ALDH16A1: variants seen among roughly 807,000 people sequenced by gnomAD.
The protein encoded by ALDH16A1 is aldehyde dehydrogenase family 16 member A1.
Under a neutral mutation model 96.1 loss-of-function variants are expected in ALDH16A1, and 88 were observed. That is an observed-to-expected ratio of 0.92 (90% confidence interval 0.77 to 1.09). ALDH16A1 has a LOEUF of 1.09. ALDH16A1 is among the 50% of genes least tolerant of loss of function. ALDH16A1 has a pLI of 0.00. For synonymous variants in ALDH16A1, 522 were observed against 496.4 expected (o/e 1.05, Z -0.69); for missense variants, 1,250 against 1,112.6 (o/e 1.12, Z -1.76).
In ALDH16A1 at chr19:49,462,024, C is replaced by T. The variant is rs1476038378; in HGVS notation, c.900C>T (p.Ser300=). Residue 300 remains serine, a synonymous_variant, in exon 7 of 17, where the codon TCC becomes TCT. Transcript: ENST00000293350. ...AGGGTGTCGTGGACGCCGCCTGGTCCGACCGCGGCCCGGTGAGACCCGTGC... is the reference window on the plus strand; with the variant it reads ...AGGGTGTCGTGGACGCCGCCTGGTCTGACCGCGGCCCGGTGAGACCCGTGC... ...AVEGVVDAAW[S]DRGPGGLRLL... is the part of the protein sequence containing the mutation. The T allele has an allele frequency of 5.8e-6, 9 of 1,541,604 alleles. No homozygotes were observed. The highest frequency in any genetic ancestry group is 4.9e-5 in the East Asian group (2 of 41,070).
chr19:49,461,026 G>A, intron 5 of ALDH16A1, 127 bp downstream of exon 5: 3 of 1,049,872 alleles, frequency 2.9e-6, no homozygotes, highest in Non-Finnish European at 4.4e-6. Flanking sequence ...GTCTGTGGGA[G>A]GAGGGGCTGC....
At chr19:49,460,492 G>A (rs1180891137) in intron 4 of ALDH16A1, among the ~76,000 whole-genome samples, 1 of 147,108 alleles carries the variant, frequency 6.8e-6, no homozygotes, top group Non-Finnish European at 1.5e-5. Context: ...TCGGCTCACT[G>A]GAACCTCCGC....
chr19:49,454,345 C>T (rs1194097933), intron 1 of ALDH16A1, among the ~76,000 whole-genome samples: 1 of 152,110 alleles, frequency 6.6e-6, no homozygotes, highest in Non-Finnish European at 1.5e-5. Context: ...CCTGTAATTA[C>T]TTATGGCCCC....
rs150239880 is a variant in ALDH16A1, at chr19:49,461,712, T to C, written c.671T>C (p.Leu224Pro). 2.6e-3 allele frequency: 4,158 copies of C among 1,609,944 alleles called. 14 individuals are homozygous for C. The highest frequency in any genetic ancestry group is 2.9e-3 in the Non-Finnish European group (3,369 of 1,178,158). The change falls in exon 6 of 17, where the codon CTG becomes CCG. Residue 224 changes from leucine to proline, a missense_variant. Leu to Pro is a moderately conservative substitution (Grantham distance 98). Transcript: ENST00000293350. ...AGELGPFPGI[L>P]NVLSGPASLV... ...GAGCTGGGCCCCTTCCCGGGAATCC[T>C]GAATGTCCTCAGTGGCCCTGCGTCC...
Position 49,465,744 on chromosome 19 carries a change from A to AC in ALDH16A1, c.1581dup (p.Tyr528LeufsTer33), listed in dbSNP as rs764766875. On this transcript the variant is annotated frameshift_variant, in exon 13 of 17. Transcript: ENST00000293350. LOFTEE classifies it high-confidence loss of function. ...ATGTCCCACCCTACTCCAGCCCAGC[A>AC]CCCCCCTATGGGCTCTTCGTTGGGG... is the stretch of plus-strand genomic sequence containing the variant. 4 of 1,612,544 alleles carry AC rather than the reference A, an allele frequency of 2.5e-6. No homozygotes were observed. The highest frequency in any genetic ancestry group is 3.4e-6 in the Non-Finnish European group (4 of 1,179,152).
intron 1 of ALDH16A1, 177 bp downstream of exon 1, chr19:49,453,598 G>T (rs914767402): frequency 3.4e-5 from 20 of 586,866 alleles, no homozygotes; most frequent in Non-Finnish European, 5.4e-5. Context: ...GAGCCTTGGC[G>T]GTGGCAGCCT....
At chr19:49,464,059 G>T in intron 9 of ALDH16A1, 68 bp from the exon 10 acceptor site, 1 of 1,580,954 alleles carries the variant, frequency 6.3e-7, no homozygotes, top group Non-Finnish European at 8.6e-7. Flanking sequence ...GGGGGCTGCT[G>T]CCTGCTCTAG....
Position 49,453,235 on chromosome 19 carries a change from C to A in ALDH16A1, c.-97C>A. The A allele has an allele frequency of 8.8e-7, 1 of 1,138,526 alleles. No homozygotes were observed. The highest frequency in any genetic ancestry group is 1.6e-5 in the South Asian group (1 of 63,850). 70.5% of individuals were successfully genotyped at this position (1,138,526 alleles called of 1,614,324 possible). ...CACCCCATTCCCATTAGCCCCGCCC[C>A]TTTGGGCTGGAACCGGAGGTGTCGC... On this transcript the variant is annotated 5_prime_UTR_variant, in exon 1 of 17. Coordinates refer to ENST00000293350, the MANE Select transcript of ALDH16A1 (RefSeq NM_153329.4).
chr19:49,470,653 T>TTC lies in ALDH16A1; in HGVS notation c.*187_*188insCT, dbSNP rs1555801041. 1.5e-5 allele frequency: 8 copies of TTC among 520,632 alleles called. No individual in the cohort carries two copies. The highest frequency in any genetic ancestry group is 3.6e-5 in the East Asian group (1 of 27,498). 32.3% of individuals were successfully genotyped at this position (520,632 alleles called of 1,614,324 possible). ...GGCAGATATGAGGCTTTTTTCTTTT[T>TTC]TTTTTTTTTTTTTGAGACAACGTCT... On this transcript the variant is annotated 3_prime_UTR_variant, in exon 17 of 17. Transcript: ENST00000293350.
rs187058132 is a variant in ALDH16A1 at position 49,468,473 on chromosome 19, C to T, written c.2031C>T (p.Phe677=). The T allele has an allele frequency of 1.6e-4, 257 of 1,602,716 alleles. No homozygotes were observed. In the East Asian group the frequency reaches 4.9e-3, roughly 30 times the overall value. Residue 677 remains phenylalanine (F), a synonymous_variant, in exon 15 of 17, where the codon TTC becomes TTT. Transcript: ENST00000293350. The surrounding 1 kb of genome is among the most constrained non-coding windows in gnomAD (Gnocchi z 4.4). The part of the protein sequence containing the change: ...VCPDEWPLLA[F]VSLLAPALAY... ...CGGACGAGTGGCCCCTGCTTGCCTTCGTGTCCCTGCTGGCTCCCGCCCTGG... is the reference window on the plus strand; with the variant it reads ...CGGACGAGTGGCCCCTGCTTGCCTTTGTGTCCCTGCTGGCTCCCGCCCTGG...
Position 49,453,226 on chromosome 19 carries a change from GCCC to G in ALDH16A1, c.-104_-102del. On this transcript the variant is annotated 5_prime_UTR_variant, in exon 1 of 17. Transcript: ENST00000293350. The stretch of plus-strand genomic sequence containing the variant: ...TTGTAGCCCCACCCCATTCCCATTA[GCCC>G]CGCCCCTTTGGGCTGGAACCGGAGG... 1 of 834,106 alleles carries G rather than the reference GCCC, an allele frequency of 1.2e-6. No homozygotes were observed. The highest frequency in any genetic ancestry group is 1.8e-6 in the Non-Finnish European group (1 of 561,278). 51.7% of individuals were successfully genotyped at this position (834,106 alleles called of 1,614,324 possible).
At chr19:49,455,833 T>C (rs1411270220) in intron 1 of ALDH16A1, among the ~76,000 whole-genome samples, 1 of 152,240 alleles carries the variant, frequency 6.6e-6, no homozygotes, top group Non-Finnish European at 1.5e-5. Context: ...TTCTCAACCG[T>C]ACAGTCTCTG....
At chr19:49,466,452 A>G (rs2079199785) in intron 14 of ALDH16A1, among the ~76,000 whole-genome samples, 169 bp downstream of exon 14, 2 of 152,198 alleles carry the variant, frequency 1.3e-5, no homozygotes, top group South Asian at 4.1e-4. Flanking sequence ...TCATCTGTAC[A>G]GTGAGTGGGC....
At chr19:49,464,377 G>A (rs375627359) in intron 10 of ALDH16A1, 40 bp from the exon 11 acceptor site, 192 of 1,568,498 alleles carry the variant, frequency 1.2e-4, no homozygotes, top group Non-Finnish European at 1.4e-4. Flanking sequence ...GCCTGCCACC[G>A]TCTGTTTTCC....
Position 49,463,997 on chromosome 19 carries a change from C to A in ALDH16A1, c.1194+48C>A, listed in dbSNP as rs376398701. ...GCTCCTACCCACCGCCAGCCAAGGG[C>A]AGCAGCTCTGTGCCTGGGGAAGCCC... On this transcript the variant is annotated intron_variant, in intron 9 of 16. Coordinates refer to ENST00000293350, the MANE Select transcript of ALDH16A1 (RefSeq NM_153329.4). The A allele has an allele frequency of 2.6e-4, 407 of 1,584,170 alleles. 1 individual carries two copies. The highest frequency in any genetic ancestry group is 3.3e-4 in the Non-Finnish European group (387 of 1,163,070).
In ALDH16A1 at chr19:49,468,335, C is replaced by T. The variant is rs184585248; in HGVS notation, c.1939-46C>T. On this transcript the variant is annotated intron_variant, in intron 14 of 16. Coordinates refer to ENST00000293350, the MANE Select transcript of ALDH16A1 (RefSeq NM_153329.4). The surrounding 1 kb of genome is among the most constrained non-coding windows in gnomAD (Gnocchi z 4.4). ...GAGGAACTGGATCTCTCATTTACTG[C>T]GGGCGGGGCTCCCCTGCCCCACACG... is the stretch of plus-strand genomic sequence containing the variant. 549 of 1,566,382 alleles carry T rather than the reference C, an allele frequency of 3.5e-4. 1 individual carries two copies. The African/African-American group carries it at 6.4e-3, about 18-fold the overall frequency.
At position 49,468,465 on chromosome 19, in the gene ALDH16A1, C is replaced by T; in HGVS notation, c.2023C>T (p.Leu675Phe). ...AVVCPDEWPL[L>F]AFVSLLAPAL... ...GGTGTGTCCGGACGAGTGGCCCCTG[C>T]TTGCCTTCGTGTCCCTGCTGGCTCC... The change falls in exon 15 of 17, where the codon CTT (leucine) becomes TTT (phenylalanine). Residue 675 changes from leucine (L) to phenylalanine (F), a missense_variant. Leu to Phe is a conservative substitution (Grantham distance 22). Transcript: ENST00000293350. The surrounding 1 kb of genome is among the most constrained non-coding windows in gnomAD (Gnocchi z 4.4). The T allele has an allele frequency of 6.2e-7, 1 of 1,602,348 alleles. No individual in the cohort carries two copies. Among genetic ancestry groups the T allele is most frequent in the Non-Finnish European group, 8.5e-7 (1 of 1,179,826 alleles).
Position 49,453,379 on chromosome 19 carries a change from G to C in ALDH16A1, c.48G>C (p.Ser16=). Residue 16 remains serine (S), a synonymous_variant, in exon 1 of 17, where the codon TCG becomes TCC. Coordinates refer to ENST00000293350, the MANE Select transcript of ALDH16A1 (RefSeq NM_153329.4). ...CCCGCGCCCGCGAGATCTTCACCTCGCTGGAGTACGGACCGGTGCCGGAGA... is the reference window on the plus strand; with the variant it reads ...CCCGCGCCCGCGAGATCTTCACCTCCCTGGAGTACGGACCGGTGCCGGAGA... ...AGPRAREIFT[S]LEYGPVPESH... 1 of 1,568,802 alleles carries C rather than the reference G, an allele frequency of 6.4e-7. No individual in the cohort carries two copies. Among genetic ancestry groups the C allele is most frequent in the South Asian group, 1.2e-5 (1 of 86,014 alleles).
intron 4 of ALDH16A1, 63 bp from the exon 5 acceptor site, chr19:49,460,759 G>A: frequency 7.7e-7 from 1 of 1,290,556 alleles, no homozygotes; most frequent in Non-Finnish European, 1.1e-6. Context: ...CTTGCCATGT[G>A]GCCCAGGCTG....
Sources: allele counts gnomAD v4.1 joint callset (sites outside exome capture counted in the v4.1 genomes callset), GRCh38; gene constraint gnomAD v4.1.1; non-coding constraint Gnocchi (gnomAD v3.1); transcripts MANE v1.5; gene names NCBI Gene and HGNC (gene_info 2026-07-23, HGNC 2026-07-21).